TRIM21: variants seen among roughly 807,000 people sequenced by gnomAD.
TRIM21 encodes the protein tripartite motif containing 21, also known as E3 ubiquitin-protein ligase TRIM21.
A neutral mutation model predicts 36.1 loss-of-function variants in TRIM21; 35 were observed. The observed-to-expected ratio is 0.97, with a 90% CI of 0.74 to 1.28. The LOEUF (loss-of-function observed/expected upper bound fraction) is 1.28. TRIM21 is among the 50% of genes most tolerant of loss of function. TRIM21 has a pLI of 0.00. For synonymous variants in TRIM21, 256 were observed against 211.5 expected, an observed-to-expected ratio of 1.21 and a Z score of -1.83; for missense variants, 635 against 570.7, an observed-to-expected ratio of 1.11 and a Z score of -1.15.
chr11:4,392,323 T>C (rs186999785), intron 1 of TRIM21, among the ~76,000 whole-genome samples: 24 of 152,186 alleles, frequency 1.6e-4, no homozygotes, highest in African/African-American at 5.3e-4. Flanking sequence ...TCCCAGCACT[T>C]TGGGAGGCCG....
rs756408935 is a variant in TRIM21 at position 4,388,498 on chromosome 11, G to A, written c.537C>T (p.His179=). The A allele has an allele frequency of 2.5e-5, 41 of 1,611,222 alleles. No homozygotes were observed. The highest frequency in any genetic ancestry group is 6.7e-5 in the East Asian group (3 of 44,882). The change falls in exon 4 of 7, where the codon CAC becomes CAT. Residue 179 remains histidine, a synonymous_variant. Transcript: ENST00000254436. ...KTVETQKSRI[H]AEFVQQKNFL... ...AGTTTTTTTGCTGCACAAACTCTGC[G>A]TGAATCCTAGATTTCTGTGTTTCCA...
intron 3 of TRIM21, 122 bp downstream of exon 3, chr11:4,389,532 G>T: frequency 1.2e-6 from 1 of 831,560 alleles, no homozygotes; most frequent in Non-Finnish European, 2.1e-6. Context: ...CTTCTGGAGA[G>T]TGAGACGGAC....
In TRIM21 at chr11:4,385,208, T is replaced by A; in HGVS notation, c.*77A>T. On this transcript the variant is annotated 3_prime_UTR_variant, in exon 7 of 7. Transcript: ENST00000254436. Reference sequence around the variant, plus strand: ...CTGCAGAGACAAAGGTGGTTCAGAGTTCATGGGGAAAAGAGGCAGGGTTTG... The same window carrying A: ...CTGCAGAGACAAAGGTGGTTCAGAGATCATGGGGAAAAGAGGCAGGGTTTG... 1.4e-6 allele frequency: 2 copies of A among 1,416,300 alleles called. No individual in the cohort carries two copies. The highest frequency in any genetic ancestry group is 1.9e-6 in the Non-Finnish European group (2 of 1,049,282). 87.7% of individuals were successfully genotyped at this position (1,416,300 alleles called of 1,614,324 possible). A position where few individuals can be genotyped will look rare whatever the true frequency, so the allele number is the denominator to read the frequency against.
At chr11:4,385,899 C>A in intron 6 of TRIM21, 46 bp from the exon 7 acceptor site, 1 of 1,532,032 alleles carries the variant, frequency 6.5e-7, no homozygotes. Context: ...GGGGAGTTCA[C>A]TAAGTCTGTG....
rs1228581277 is a variant in TRIM21 at position 4,390,421 on chromosome 11, C to A, written c.-12G>T. The A allele has an allele frequency of 6.3e-7, 1 of 1,595,970 alleles. No individual in the cohort carries two copies. The highest frequency in any genetic ancestry group is 2.2e-5 in the East Asian group (1 of 44,502). On this transcript the variant is annotated 5_prime_UTR_variant, in exon 2 of 7. Coordinates refer to ENST00000254436, the MANE Select transcript of TRIM21 (RefSeq NM_003141.4). The stretch of plus-strand genomic sequence containing the variant: ...GCTGCTGAAGCCATTGTCAAGTGTG[C>A]CGTTAAACAGCAGTGTGGAGACCTT...
At chr11:4,388,582 T>TTTGG (rs2133052153) in intron 3 of TRIM21, 52 bp from the exon 4 acceptor site, 1 of 1,558,946 alleles carries the variant, frequency 6.4e-7, no homozygotes, top group South Asian at 1.1e-5. Flanking sequence ...TCTCCCAAGC[T>TTTGG]TTGGGAATGG....
chr11:4,390,107 C>T lies in TRIM21; in HGVS notation c.303G>A (p.Leu101=). 2.5e-6 allele frequency: 4 copies of T among 1,614,038 alleles called. No homozygotes were observed. In the East Asian group the frequency reaches 6.7e-5, roughly 27 times the overall value. Residue 101 remains leucine, a synonymous_variant, in exon 2 of 7, where the codon CTG becomes CTA. Coordinates refer to ENST00000254436, the MANE Select transcript of TRIM21 (RefSeq NM_003141.4). The part of the protein sequence containing the change: ...RCAVHGERLH[L]FCEKDGKALC... ...GGGCCTTCCCATCTTTCTCACAGAA[C>T]AGGTGAAGTCTCTCTCCATGCACTG...
chr11:4,390,461 G>T lies in TRIM21; in HGVS notation c.-49-3C>A, dbSNP rs1306580377. The T allele has an allele frequency of 2.6e-6, 4 of 1,520,730 alleles. No homozygotes were observed. Among genetic ancestry groups the T allele is most frequent in the Non-Finnish European group, 3.5e-6 (4 of 1,129,886 alleles). The allele number at this position is 1,520,730 out of a possible 1,614,324, so 94.2% of individuals were successfully genotyped here. On this transcript the variant is annotated splice_polypyrimidine_tract_variant and splice_region_variant and intron_variant, in intron 1 of 6. Transcript: ENST00000254436. ...GTGGAGACCTTTAGGGGGTTTGGCT[G>T]GGAGAGAAGAAGAAAGGGAAAAGAG...
At position 4,385,543 on chromosome 11, in the gene TRIM21, A is replaced by G; in HGVS notation, c.1170T>C (p.Ala390=). 2 of 1,612,176 alleles carry G rather than the reference A, an allele frequency of 1.2e-6. No individual in the cohort carries two copies. Among genetic ancestry groups the G allele is most frequent in the Non-Finnish European group, 1.7e-6 (2 of 1,179,102 alleles). Residue 390 remains alanine, a synonymous_variant, in exon 7 of 7, where the codon GCT becomes GCC. Transcript: ENST00000254436. The stretch of plus-strand genomic sequence containing the variant: ...GGAGGGGAGTCTGGGGGTAGGTGCC[A>G]GCCTCATATTTTTGTTTGTTCCACA... The part of the protein sequence containing the change: ...IWLWNKQKYE[A]GTYPQTPLHL...
Position 4,390,171 on chromosome 11 carries a change from C to A in TRIM21, c.239G>T (p.Ser80Ile), listed in dbSNP as rs1434621501. ...ANMVNNLKEI[S>I]QEAREGTQGE... ...CTGTGTGCCCTCTCTGGCCTCCTGG[C>A]TGATTTCTTTAAGGTTGTTCACCAT... Residue 80 changes from serine to isoleucine, a missense_variant, in exon 2 of 7, where the codon AGC (serine) becomes ATC (isoleucine). Transcript: ENST00000254436. 1.2e-6 allele frequency: 2 copies of A among 1,614,046 alleles called. No individual in the cohort carries two copies. Among genetic ancestry groups the A allele is most frequent in the Non-Finnish European group, 1.7e-6 (2 of 1,179,900 alleles).
At chr11:4,388,170 G>T in intron 4 of TRIM21, 130 bp downstream of exon 4, 1 of 813,500 alleles carries the variant, frequency 1.2e-6, no homozygotes, top group Non-Finnish European at 1.9e-6. Flanking sequence ...CCTTTCATGG[G>T]TTTGAATTCT....
At chr11:4,393,582 AGAGGTCCCCTAGGAGGGCAGG>A (rs1467722922) in intron 1 of TRIM21, 30 bp downstream of exon 1, 1 of 152,408 alleles carries the variant, frequency 6.6e-6, no homozygotes, top group Non-Finnish European at 1.5e-5. Context: ...GGCAGGGGAG[AGAGGTCCCCTAGGAGGGCAGG>A]GGTCCCTTGA....
rs1241357953 is a variant in TRIM21, at chr11:4,385,521, G to A, written c.1192C>T (p.Leu398Phe). 4 of 1,611,590 alleles carry A rather than the reference G, an allele frequency of 2.5e-6. No individual in the cohort carries two copies. Among genetic ancestry groups the A allele is most frequent in the Non-Finnish European group, 3.4e-6 (4 of 1,178,906 alleles). The stretch of plus-strand genomic sequence containing the variant: ...TGGCATGGAGGCACCTGAAGGTGGA[G>A]GGGAGTCTGGGGGTAGGTGCCAGCC... ...YEAGTYPQTP[L>F]HLQVPPCQVG... The change falls in exon 7 of 7, where the codon CTC becomes TTC. Residue 398 changes from leucine to phenylalanine, a missense_variant. Transcript: ENST00000254436.
intron 3 of TRIM21, 120 bp downstream of exon 3, chr11:4,389,534 G>T: frequency 1.2e-6 from 1 of 847,480 alleles, no homozygotes; most frequent in Non-Finnish European, 2.0e-6. Context: ...TCTGGAGAGT[G>T]AGACGGACCA....
chr11:4,389,794 A>C, intron 2 of TRIM21, 45 bp from the exon 3 acceptor site: 1 of 1,574,776 alleles, frequency 6.4e-7, no homozygotes. Flanking sequence ...AAACCAAGTA[A>C]TAGGGTGGGG....
At position 4,389,662 on chromosome 11, in the gene TRIM21, C is replaced by G; in HGVS notation, c.496G>C (p.Asp166His). The G allele has an allele frequency of 6.2e-7, 1 of 1,613,878 alleles. No homozygotes were observed. The highest frequency in any genetic ancestry group is 8.5e-7 in the Non-Finnish European group (1 of 1,179,798). ...CAGGATGTCATTCTTACCTTCCAGT[C>G]TGCTCTCTTTATTGCAATTTCCACT... ...LEVEIAIKRA[D>H]WKKTVETQKS... The change falls in exon 3 of 7, where the codon GAC becomes CAC. Residue 166 changes from aspartate (D) to histidine (H), a missense_variant. By Grantham distance (81) the Asp-to-His change is moderately conservative. Coordinates refer to ENST00000254436, the MANE Select transcript of TRIM21 (RefSeq NM_003141.4).
intron 4 of TRIM21, 27 bp downstream of exon 4, chr11:4,388,273 G>A (rs767200220): frequency 6.3e-7 from 1 of 1,579,430 alleles, no homozygotes; most frequent in East Asian, 2.3e-5. Context: ...TCCCTGAATT[G>A]TAGAAGGAAA....
chr11:4,387,161 G>A (rs888033142), intron 4 of TRIM21, among the ~76,000 whole-genome samples, 171 bp from the exon 5 acceptor site: 4 of 152,078 alleles, frequency 2.6e-5, no homozygotes, highest in Non-Finnish European at 5.9e-5. Context: ...AAGGATGTGT[G>A]GCTGCTTGTG....
chr11:4,389,701 C>A lies in TRIM21; in HGVS notation c.457G>T (p.Ala153Ser). The part of the protein sequence containing the change: ...LGELRRKQEL[A>S]EKLEVEIAIK... ...GCAATTTCCACTTCCAACTTCTCAG[C>A]CAACTCCTGCTTTCTTCTCAGTTCC... The change falls in exon 3 of 7, where the codon GCT becomes TCT. Residue 153 changes from alanine (A) to serine (S), a missense_variant. Physicochemically the swap from Ala to Ser is moderately conservative, Grantham distance 99. Transcript: ENST00000254436. 10 of 1,614,002 alleles carry A rather than the reference C, an allele frequency of 6.2e-6. No homozygotes were observed. Among genetic ancestry groups the A allele is most frequent in the Non-Finnish European group, 8.5e-6 (10 of 1,179,900 alleles).
Sources: gnomAD v4.1 joint callset for allele counts (sites outside exome capture counted in the v4.1 genomes callset) on GRCh38, gnomAD v4.1.1 for gene constraint, MANE v1.5 for transcripts, NCBI Gene and HGNC (gene_info 2026-07-23, HGNC 2026-07-21) for gene names.